The following MEG3 variants were observed in gnomAD, a reference collection of about 807,000 sequenced individuals.
The protein encoded by MEG3 is maternally expressed 3.
chr14:100,844,761 G>T (rs887727112), intron 2 of MEG3, among the ~76,000 whole-genome samples: 8 of 151,944 alleles, frequency 5.3e-5, no homozygotes, highest in Non-Finnish European at 1.0e-4. Flanking sequence ...TAACATTTTG[G>T]GAGTATTCTG....
At chr14:100,829,769 C>G (rs2037346200), downstream of MEG3, 2 of 152,194 alleles carry the variant, frequency 1.3e-5, no homozygotes, top group African/African-American at 4.8e-5. Flanking sequence ...TTGCAGAGAC[C>G]ATCGACGGGC....
chr14:100,845,430 T>G lies in MEG3; in HGVS notation n.3046-28T>G, dbSNP rs367933693. ...CTCGCCGGCCTGAGTGAGGTTCTACTCTGTGACCTAGTGCCTTCTTGTTAC... is the reference window on the plus strand; with the variant it reads ...CTCGCCGGCCTGAGTGAGGTTCTACGCTGTGACCTAGTGCCTTCTTGTTAC... On this transcript the variant is annotated intron_variant and non_coding_transcript_variant, in intron 2 of 3. Coordinates refer to the MEG3 transcript ENST00000398461. This position sits in a 1 kb window ranked among gnomAD's most constrained non-coding sequence, Gnocchi z 5.2. 61 of 455,816 alleles carry G rather than the reference T, an allele frequency of 1.3e-4. 1 individual carries two copies. Among genetic ancestry groups the G allele is most frequent in the African/African-American group, 1.0e-3 (50 of 50,042 alleles). 28.2% of individuals were successfully genotyped at this position (455,816 alleles called of 1,614,324 possible).
In MEG3 at chr14:100,837,780, G is replaced by T. The variant is rs377680104; in HGVS notation, n.3045+1480G>T. On this transcript the variant is annotated intron_variant and non_coding_transcript_variant, in intron 2 of 3. Transcript: ENST00000398461. This position sits in a 1 kb window ranked among gnomAD's most constrained non-coding sequence, Gnocchi z 5.8. ...AGCCCTGCACTTCTCCCCTGAAATT[G>T]AAATGGGATGGGGATATTATTTTTA... Among the ~76,000 whole-genome samples, 5 of 152,254 alleles carry T rather than the reference G, an allele frequency of 3.3e-5. No individual in the cohort carries two copies. In the East Asian group the frequency reaches 9.7e-4, roughly 29 times the overall value.
At chr14:100,853,867 T>C (rs1040728879), upstream of MEG3, 3 of 152,240 alleles carry the variant, frequency 2.0e-5, no homozygotes, top group Non-Finnish European at 2.9e-5. Context: ...CCTGCTAGAC[T>C]GTGAGCCCCA....
exon 1 of MEG3, chr14:100,859,092 C>T (rs2038326292): frequency 6.6e-6 from 1 of 152,270 alleles, no homozygotes; most frequent in South Asian, 2.1e-4. Flanking sequence ...CTGCCCTGGC[C>T]CTTTACACCC....
At chr14:100,841,717 G>A (rs930490427) in intron 2 of MEG3, among the ~76,000 whole-genome samples, 1 of 152,242 alleles carries the variant, frequency 6.6e-6, no homozygotes, top group East Asian at 1.9e-4. Context: ...TGCCCCATGA[G>A]CTGGGATGCA....
chr14:100,855,451 G>A (rs4081134), upstream of MEG3: 44,362 of 152,114 alleles, frequency 0.29, 6,665 homozygotes, highest in Non-Finnish European at 0.33. Context: ...TGCTTTCCAT[G>A]TGTCACACAC....
At chr14:100,838,081 C>T (rs1307271734) in intron 2 of MEG3, among the ~76,000 whole-genome samples, 1 of 152,106 alleles carries the variant, frequency 6.6e-6, no homozygotes, top group Non-Finnish European at 1.5e-5. Context: ...TGCTGGGGTC[C>T]TGGGGGGATC....
intron 2 of MEG3, chr14:100,828,931 A>T (rs984885778): frequency 6.6e-6 from 1 of 152,158 alleles, no homozygotes; most frequent in Non-Finnish European, 1.5e-5. Context: ...GACAATTTTA[A>T]ATTTTAACTA....
chr14:100,830,758 C>G (rs2037376011), downstream of MEG3: 1 of 152,194 alleles, frequency 6.6e-6, no homozygotes, highest in Non-Finnish European at 1.5e-5. Flanking sequence ...TTAAGCCAAC[C>G]AGTTTTGTCC....
chr14:100,839,848 C>CG (rs2037699096), intron 2 of MEG3, among the ~76,000 whole-genome samples: 1 of 152,204 alleles, frequency 6.6e-6, no homozygotes, highest in Non-Finnish European at 1.5e-5. Flanking sequence ...ACGAGCTCTG[C>CG]GGTGCCTGAG....
At chr14:100,852,815 C>T, upstream of MEG3, 1 of 203,318 alleles carries the variant, frequency 4.9e-6, no homozygotes. Flanking sequence ...CTGCTCCCAA[C>T]ATCTAGGGGC....
At chr14:100,829,642 G>A (rs1214976425), downstream of MEG3, 3 of 152,192 alleles carry the variant, frequency 2.0e-5, no homozygotes, top group African/African-American at 7.2e-5. Context: ...TTGTTGAAAA[G>A]GTTTGACAGG....
intron 3 of MEG3, chr14:100,849,020 G>A (rs1043395521): frequency 6.6e-5 from 10 of 152,038 alleles, no homozygotes; most frequent in Admixed American, 2.6e-4. Flanking sequence ...TCAGCCGAAC[G>A]AATGAGAATG....
chr14:100,854,300 T>C (rs2038173912), upstream of MEG3: 1 of 152,258 alleles, frequency 6.6e-6, no homozygotes, highest in South Asian at 2.1e-4. Flanking sequence ...TTTTATCTTC[T>C]GTGAACTGTT....
intron 2 of MEG3, among the ~76,000 whole-genome samples, chr14:100,841,942 G>A (rs1318571318): frequency 1.3e-5 from 2 of 152,160 alleles, no homozygotes; most frequent in Non-Finnish European, 2.9e-5. Flanking sequence ...TGGCCCAGTC[G>A]GCTGAGAACT....
chr14:100,834,764 A>T, exon 1 of MEG3: 1 of 456,584 alleles, frequency 2.2e-6, no homozygotes, highest in Non-Finnish European at 4.4e-6. Flanking sequence ...GAGTGAATGA[A>T]AGGACTCGAC....
chr14:100,856,810 C>T (rs908956687), upstream of MEG3: 5 of 152,290 alleles, frequency 3.3e-5, no homozygotes, highest in African/African-American at 9.7e-5. Flanking sequence ...GTGCTTCCTG[C>T]CTCTGTGCCT....
At chr14:100,831,993 A>G (rs1042606159), downstream of MEG3, 1 of 152,202 alleles carries the variant, frequency 6.6e-6, no homozygotes, top group African/African-American at 2.4e-5. Context: ...TGGAGGCACC[A>G]CTAGATTTTC....
Sources: gnomAD v4.1 joint callset for allele counts (sites outside exome capture counted in the v4.1 genomes callset) on GRCh38, gnomAD v4.1.1 for gene constraint, Gnocchi (gnomAD v3.1) non-coding constraint, MANE v1.5 for transcripts, NCBI Gene and HGNC (gene_info 2026-07-23, HGNC 2026-07-21) for gene names.